The following ZFYVE9 variants were observed in gnomAD, a reference collection of about 807,000 sequenced individuals.
ZFYVE9 encodes the protein zinc finger FYVE domain-containing protein 9.
ZFYVE9 carries 43 observed loss-of-function variants against 126.7 expected under a neutral mutation model. The ratio of observed to expected loss-of-function variants is 0.34; its 90% confidence interval spans 0.27 to 0.44. The LOEUF (loss-of-function observed/expected upper bound fraction) is 0.44, where lower values mean the gene tolerates loss of function less well. Ranked by LOEUF, ZFYVE9 falls within the 20% of genes least tolerant of loss-of-function variation. The pLI, the probability that ZFYVE9 is intolerant of heterozygous loss-of-function variation, is 1.00. For synonymous variants in ZFYVE9, 521 were observed against 597.4 expected (o/e 0.87, Z 1.87); for missense variants, 1,476 against 1,697.0 (o/e 0.87, Z 2.29).
intron 13 of ZFYVE9, among the ~76,000 whole-genome samples, chr1:52,322,402 CAG>C (rs1384067701): frequency 1.5e-5 from 2 of 130,598 alleles, no homozygotes; most frequent in African/African-American, 2.9e-5. Flanking sequence ...TTTTTTGAGA[CAG>C]AGTCTCGCTG....
At position 52,237,838 on chromosome 1, in the gene ZFYVE9, T is replaced by G; in HGVS notation, c.421T>G (p.Cys141Gly). The G allele has an allele frequency of 6.2e-7, 1 of 1,614,102 alleles. No homozygotes were observed. Among genetic ancestry groups the G allele is most frequent in the Middle Eastern group, 1.6e-4 (1 of 6,062 alleles). The change falls in exon 4 of 19, where the codon TGT becomes GGT. Residue 141 changes from cysteine to glycine, a missense_variant. Cys to Gly is a radical substitution (Grantham distance 159). Coordinates refer to ENST00000287727, the MANE Select transcript of ZFYVE9 (RefSeq NM_004799.4). Reference sequence around the variant, plus strand: ...AGAGAAGAAATGTGGAAACCTGGCTTGTCTGCCAGATGAGAAGAATGTTCT... The same window carrying G: ...AGAGAAGAAATGTGGAAACCTGGCTGGTCTGCCAGATGAGAAGAATGTTCT... ...VGEKKCGNLA[C>G]LPDEKNVLVV...
At chr1:52,335,777 T>C (rs1033226982) in intron 15 of ZFYVE9, among the ~76,000 whole-genome samples, 2 of 152,208 alleles carry the variant, frequency 1.3e-5, no homozygotes, top group Non-Finnish European at 2.9e-5. Context: ...AAATGTAGTC[T>C]GCCTCACATG....
intron 7 of ZFYVE9, among the ~76,000 whole-genome samples, chr1:52,271,224 A>AT (rs1407777322): frequency 1.3e-5 from 2 of 152,086 alleles, no homozygotes; most frequent in African/African-American, 4.8e-5. Context: ...TAGGGAAACA[A>AT]TTTTCTGCTC....
chr1:52,200,167 G>A (rs1024257434), intron 1 of ZFYVE9, among the ~76,000 whole-genome samples: 2 of 151,696 alleles, frequency 1.3e-5, no homozygotes, highest in Non-Finnish European at 2.9e-5. Flanking sequence ...TTGCAGAGCA[G>A]AATTTTTATT....
chr1:52,248,044 A>G (rs1645408654), intron 4 of ZFYVE9, among the ~76,000 whole-genome samples: 1 of 152,178 alleles, frequency 6.6e-6, no homozygotes, highest in South Asian at 2.1e-4. Flanking sequence ...TAGGTAGGAT[A>G]TATGTATATA....
intron 1 of ZFYVE9, among the ~76,000 whole-genome samples, chr1:52,211,729 T>C (rs1302905310): frequency 2.0e-5 from 3 of 152,246 alleles, no homozygotes; most frequent in Non-Finnish European, 2.9e-5. Flanking sequence ...TGAATTTGTT[T>C]ACAGAGAATA....
At chr1:52,265,516 T>G (rs2147799415) in intron 5 of ZFYVE9, among the ~76,000 whole-genome samples, 1 of 152,374 alleles carries the variant, frequency 6.6e-6, no homozygotes, top group Admixed American at 6.5e-5. Flanking sequence ...TGTAGCACCT[T>G]TCATCCTATT....
intron 1 of ZFYVE9, among the ~76,000 whole-genome samples, chr1:52,177,668 G>C (rs190583571): frequency 4.6e-5 from 7 of 152,364 alleles, no homozygotes. Flanking sequence ...ATCGAGGAAA[G>C]CTTGACTGAA....
intron 16 of ZFYVE9, among the ~76,000 whole-genome samples, chr1:52,338,534 ATACAT>A (rs1382913574): frequency 6.6e-6 from 1 of 152,224 alleles, no homozygotes; most frequent in Non-Finnish European, 1.5e-5. Flanking sequence ...CATTGCATTT[ATACAT>A]TACAAACTGA....
At chr1:52,342,231 T>G (rs1264952401) in intron 17 of ZFYVE9, among the ~76,000 whole-genome samples, 2 of 151,734 alleles carry the variant, frequency 1.3e-5, no homozygotes, top group African/African-American at 4.8e-5. Flanking sequence ...TATAGAAACA[T>G]CGTGTATTTG....
chr1:52,201,466 C>T (rs1262229790), intron 1 of ZFYVE9, among the ~76,000 whole-genome samples: 3 of 149,900 alleles, frequency 2.0e-5, no homozygotes, highest in Admixed American at 6.6e-5. Context: ...AAGCTCTGCC[C>T]CCTGGGTTCA....
At chr1:52,298,107 C>T (rs1400824861) in intron 12 of ZFYVE9, among the ~76,000 whole-genome samples, 3 of 152,144 alleles carry the variant, frequency 2.0e-5, no homozygotes, top group African/African-American at 7.2e-5. Flanking sequence ...GTTGTGTCTT[C>T]ACTCTGTTAA....
chr1:52,295,155 A>G lies in ZFYVE9; in HGVS notation c.3251-740A>G, dbSNP rs571164661. Among the ~76,000 whole-genome samples the G allele has an allele frequency of 8.5e-5, 13 of 152,276 alleles. No individual in the cohort carries two copies. In the East Asian group the frequency reaches 2.3e-3, roughly 27 times the overall value. ...CCCTCCTAAGGCAGGAGATCATGCC[A>G]CTGCACTCCAGCCTGGGTGACAGAG... On this transcript the variant is annotated intron_variant, in intron 11 of 18. Coordinates refer to ENST00000287727, the MANE Select transcript of ZFYVE9 (RefSeq NM_004799.4).
intron 1 of ZFYVE9, among the ~76,000 whole-genome samples, chr1:52,196,686 A>C (rs1644863879): frequency 6.6e-6 from 1 of 152,148 alleles, no homozygotes; most frequent in African/African-American, 2.4e-5. Context: ...TAAAGCCTGG[A>C]AGGATTGATT....
chr1:52,147,528 A>G (rs1263809830), intron 1 of ZFYVE9, among the ~76,000 whole-genome samples: 2 of 152,176 alleles, frequency 1.3e-5, no homozygotes, highest in Non-Finnish European at 2.9e-5. Context: ...ACTTAGCATA[A>G]TAGTTTTAGG....
At chr1:52,307,005 G>T (rs556608862) in intron 13 of ZFYVE9, among the ~76,000 whole-genome samples, 1 of 152,202 alleles carries the variant, frequency 6.6e-6, no homozygotes, top group Non-Finnish European at 1.5e-5. Context: ...GCCGGAACAA[G>T]CCCAGCAGGC....
intron 13 of ZFYVE9, among the ~76,000 whole-genome samples, chr1:52,313,547 C>T (rs1222050807): frequency 1.3e-5 from 2 of 152,156 alleles, no homozygotes; most frequent in Admixed American, 6.5e-5. Flanking sequence ...GTCAGTGTGT[C>T]TATACGAGGA....
At chr1:52,170,002 T>G (rs1377931928) in intron 1 of ZFYVE9, among the ~76,000 whole-genome samples, 1 of 152,206 alleles carries the variant, frequency 6.6e-6, no homozygotes, top group African/African-American at 2.4e-5. Flanking sequence ...AGAATTCGTT[T>G]TGACCTTTTG....
At chr1:52,245,145 CAGAG>C (rs537066760) in intron 4 of ZFYVE9, among the ~76,000 whole-genome samples, 3 of 149,592 alleles carry the variant, frequency 2.0e-5, no homozygotes, top group African/African-American at 7.4e-5. Flanking sequence ...GCCTGGGTGA[CAGAG>C]AGAGACTCTG....
Sources: allele counts gnomAD v4.1 joint callset (sites outside exome capture counted in the v4.1 genomes callset), GRCh38; gene constraint gnomAD v4.1.1; transcripts MANE v1.5; gene names NCBI Gene and HGNC (gene_info 2026-07-23, HGNC 2026-07-21).